The following THBS3 variants were observed in gnomAD, a reference collection of about 807,000 sequenced individuals.
The protein encoded by THBS3 is thrombospondin-3.
A neutral mutation model predicts 118.3 loss-of-function variants in THBS3; 78 were observed. The ratio of observed to expected loss-of-function variants is 0.66; its 90% CI spans 0.55 to 0.80. The LOEUF is 0.80. Among genes scored for constraint, THBS3 ranks in the 30% least tolerant of loss-of-function variants. THBS3 has a pLI of 0.00. For synonymous variants in THBS3, 427 were observed against 475.3 expected (o/e 0.90, Z 1.32); for missense variants, 1,057 against 1,247.4 (o/e 0.85, Z 2.30).
intron 11 of THBS3, 24 bp from the exon 12 acceptor site, chr1:155,201,228 G>A (rs769666104): frequency 6.2e-7 from 1 of 1,613,646 alleles, no homozygotes; most frequent in South Asian, 1.1e-5. Context: ...AAGGGTAGGA[G>A]CTAGCAGTTT....
At chr1:155,196,911 G>A (rs938274330) in intron 21 of THBS3, 130 bp downstream of exon 21, 30 of 833,944 alleles carry the variant, frequency 3.6e-5, no homozygotes, top group Admixed American at 5.3e-5. Flanking sequence ...GCTTGTGTCC[G>A]TGGTGAGAAG....
chr1:155,208,965 G>C (rs763664713), upstream of THBS3: 8 of 1,607,818 alleles, frequency 5.0e-6, no homozygotes, highest in African/African-American at 9.3e-5. Flanking sequence ...GGGGTTCGGG[G>C]CTCCACTTGG....
In THBS3 at chr1:155,198,602, G is replaced by T. The variant is rs1669092261; in HGVS notation, c.1881C>A (p.Ser627Arg). Residue 627 changes from serine to arginine, a missense_variant and splice_region_variant, in exon 17 of 23, where the codon AGC becomes AGA. Physicochemically the swap from Ser to Arg is moderately radical, Grantham distance 110. Coordinates refer to ENST00000368378, the MANE Select transcript of THBS3 (RefSeq NM_007112.5). Reference sequence around the variant, plus strand: ...TGGTGTCCTGATGCCCATCCCCATCGCTAATCAGAAGAACAGGTACCAAAT... The same window carrying T: ...TGGTGTCCTGATGCCCATCCCCATCTCTAATCAGAAGAACAGGTACCAAAT... ...VGDVCDTNEDSDGDGHQDTKD... is the reference protein window; with the variant it reads ...VGDVCDTNEDRDGDGHQDTKD... The T allele has an allele frequency of 6.2e-7, 1 of 1,613,550 alleles. No homozygotes were observed. The highest frequency in any genetic ancestry group is 8.5e-7 in the Non-Finnish European group (1 of 1,179,606).
chr1:155,201,849 G>T, intron 10 of THBS3, 108 bp downstream of exon 10: 1 of 1,496,022 alleles, frequency 6.7e-7, no homozygotes, highest in Non-Finnish European at 9.2e-7. Flanking sequence ...TCTGTGTAGT[G>T]CCCTGGGGAG....
chr1:155,204,679 T>G, intron 4 of THBS3, 176 bp downstream of exon 4: 1 of 629,736 alleles, frequency 1.6e-6, no homozygotes, highest in South Asian at 1.9e-5. Flanking sequence ...TTTTCTCGGA[T>G]GGGTGTATTG....
At chr1:155,208,814 G>C (rs371540197), upstream of THBS3, 1 of 1,556,138 alleles carries the variant, frequency 6.4e-7, no homozygotes, top group African/African-American at 1.4e-5. Context: ...CATGCTGCTC[G>C]GGGGACCCCC....
At position 155,205,242 on chromosome 1, in the gene THBS3, G is replaced by A. The variant is rs1670380897; in HGVS notation, c.361C>T (p.Arg121Cys). ...AGTCGCAGGAGAACTGTGTGTGTGCGCCCATCAGCCAGGCCCGCTTGCTGT... is the reference window on the plus strand; with the variant it reads ...AGTCGCAGGAGAACTGTGTGTGTGCACCCATCAGCCAGGCCCGCTTGCTGT... ...NLQQAGLADG[R>C]THTVLLRLRG... Residue 121 changes from arginine to cysteine, a missense_variant, in exon 3 of 23, where the codon CGC (arginine) becomes TGC (cysteine). Coordinates refer to ENST00000368378, the MANE Select transcript of THBS3 (RefSeq NM_007112.5). 1.9e-6 allele frequency: 3 copies of A among 1,614,016 alleles called. No homozygotes were observed. Among genetic ancestry groups the A allele is most frequent in the African/African-American group, 2.7e-5 (2 of 74,938 alleles).
At chr1:155,203,582 T>A in intron 4 of THBS3, 43 bp from the exon 5 acceptor site, 1 of 1,610,444 alleles carries the variant, frequency 6.2e-7, no homozygotes, top group Non-Finnish European at 8.5e-7. Context: ...TGAGGTGAAG[T>A]GAAGAGAGGC....
chr1:155,197,021 G>A lies in THBS3; in HGVS notation c.2672+20C>T, dbSNP rs1399748164. ...AGGCCCGGCCTGAGTCCCACAGGTG[G>A]GCTCAGCCCCTCTCCTTACCGAATG... On this transcript the variant is annotated intron_variant, in intron 21 of 22. Transcript: ENST00000368378. This position sits in a 1 kb window ranked among gnomAD's most constrained non-coding sequence, Gnocchi z 5.0. 5 of 1,607,214 alleles carry A rather than the reference G, an allele frequency of 3.1e-6. No individual in the cohort carries two copies. The South Asian group carries it at 5.5e-5, about 18-fold the overall frequency.
chr1:155,198,280 A>G lies in THBS3; in HGVS notation c.2075-60T>C. On this transcript the variant is annotated intron_variant, in intron 17 of 22. Coordinates refer to ENST00000368378, the MANE Select transcript of THBS3 (RefSeq NM_007112.5). ...CTGGCCACTGCCATTAGGCAACAAT[A>G]CCATCTGTTGGGCCTGCATTCCTGA... 1.9e-6 allele frequency: 3 copies of G among 1,600,842 alleles called. No homozygotes were observed. In the African/African-American group the frequency reaches 4.0e-5, roughly 21 times the overall value.
At chr1:155,198,323 C>T in intron 17 of THBS3, 86 bp downstream of exon 17, 1 of 1,585,946 alleles carries the variant, frequency 6.3e-7, no homozygotes, top group Non-Finnish European at 8.6e-7. Context: ...CCCCACCTTG[C>T]CCTTCCTCAC....
chr1:155,209,113 C>G, upstream of THBS3: 3 of 1,542,904 alleles, frequency 1.9e-6, no homozygotes, highest in Non-Finnish European at 2.6e-6. Context: ...CCAGTCGGGC[C>G]AGAAGAAGCC....
In THBS3 at chr1:155,200,495, C is replaced by T; in HGVS notation, c.1664G>A (p.Gly555Asp). ...VPNNDQKDTD[G>D]NGEGDACDND... ...GTCACAGGCATCTCCTTCCCCATTG[C>T]CATCTGTGTCCTTCTGGTCATTGTT... Residue 555 changes from glycine (G) to aspartate (D), a missense_variant, in exon 14 of 23, where the codon GGC (glycine) becomes GAC (aspartate). Coordinates refer to ENST00000368378, the MANE Select transcript of THBS3 (RefSeq NM_007112.5). 1 of 1,614,176 alleles carries T rather than the reference C, an allele frequency of 6.2e-7. No individual in the cohort carries two copies. Among genetic ancestry groups the T allele is most frequent in the Non-Finnish European group, 8.5e-7 (1 of 1,180,038 alleles).
At chr1:155,207,950 G>T, upstream of THBS3, 1 of 1,288,376 alleles carries the variant, frequency 7.8e-7, no homozygotes, top group Non-Finnish European at 1.0e-6. Flanking sequence ...GAGAGCAGGA[G>T]CCGGGGGGCG....
At position 155,206,804 on chromosome 1, in the gene THBS3, T is replaced by A. The variant is rs536404290; in HGVS notation, c.80-398A>T. ...TTGCAGTGAGCCGAGATCGCGCCATTGCACTCCAGCCTGGGCAACAAGAGT... is the reference window on the plus strand; with the variant it reads ...TTGCAGTGAGCCGAGATCGCGCCATAGCACTCCAGCCTGGGCAACAAGAGT... On this transcript the variant is annotated intron_variant, in intron 1 of 22. Transcript: ENST00000368378. This position sits in a 1 kb window ranked among gnomAD's most constrained non-coding sequence, Gnocchi z 4.2. 3.3e-5 allele frequency among the ~76,000 whole-genome samples: 5 copies of A among 152,110 alleles called. No homozygotes were observed. In the South Asian group the frequency reaches 8.3e-4, roughly 25 times the overall value.
chr1:155,202,254 G>T lies in THBS3; in HGVS notation c.1098+7C>A. On this transcript the variant is annotated splice_region_variant and intron_variant, in intron 9 of 22. Coordinates refer to ENST00000368378, the MANE Select transcript of THBS3 (RefSeq NM_007112.5). The surrounding 1 kb of genome is among the most constrained non-coding windows in gnomAD (Gnocchi z 5.5). ...ATCCCTTGTCCACACACACTACCCA[G>T]TCTGACCTGTTTGCTGGCCCGGGCA... is the stretch of plus-strand genomic sequence containing the variant. 1 of 1,613,560 alleles carries T rather than the reference G, an allele frequency of 6.2e-7. No homozygotes were observed. The highest frequency in any genetic ancestry group is 1.1e-5 in the South Asian group (1 of 91,022).
chr1:155,198,718 C>A, intron 16 of THBS3, 116 bp from the exon 17 acceptor site: 2 of 1,025,598 alleles, frequency 2.0e-6, no homozygotes, highest in East Asian at 2.4e-5. Context: ...CCCTGGCAGT[C>A]AGCCAGGTGA....
At position 155,202,452 on chromosome 1, in the gene THBS3, G is replaced by A; in HGVS notation, c.958-51C>T. 4 of 1,598,418 alleles carry A rather than the reference G, an allele frequency of 2.5e-6. No individual in the cohort carries two copies. The highest frequency in any genetic ancestry group is 3.4e-6 in the Non-Finnish European group (4 of 1,172,638). The stretch of plus-strand genomic sequence containing the variant: ...GTCAGGCCGCCCTCTGGGAAACTCA[G>A]GTCCCTGCCTGTGATCCAGGAACCA... On this transcript the variant is annotated intron_variant, in intron 8 of 22. Transcript: ENST00000368378. The surrounding 1 kb of genome is among the most constrained non-coding windows in gnomAD (Gnocchi z 5.5).
chr1:155,206,147 G>A lies in THBS3; in HGVS notation c.286+53C>T, dbSNP rs1435039716. 1.3e-5 allele frequency: 21 copies of A among 1,589,160 alleles called. No homozygotes were observed. In the South Asian group the frequency reaches 1.6e-4, roughly 12 times the overall value. On this transcript the variant is annotated intron_variant, in intron 2 of 22. Transcript: ENST00000368378. This position sits in a 1 kb window ranked among gnomAD's most constrained non-coding sequence, Gnocchi z 4.2. ...GAAGCACTTGGGAAGTAGGGATGAGGGAGAGTGCTTAAGGAGGTCACCATT... is the reference window on the plus strand; with the variant it reads ...GAAGCACTTGGGAAGTAGGGATGAGAGAGAGTGCTTAAGGAGGTCACCATT...
Sources: allele counts gnomAD v4.1 joint callset (sites outside exome capture counted in the v4.1 genomes callset), GRCh38; gene constraint gnomAD v4.1.1; non-coding constraint Gnocchi (gnomAD v3.1); transcripts MANE v1.5; gene names NCBI Gene and HGNC (gene_info 2026-07-23, HGNC 2026-07-21).